The following KDM4A variants were observed in gnomAD, a reference collection of about 807,000 sequenced individuals.
KDM4A encodes lysine demethylase 4A.
In KDM4A, 23 loss-of-function variants were observed where a neutral mutation model predicts 127.1. The observed-to-expected ratio is 0.18, with a 90% CI of 0.13 to 0.26. The LOEUF (loss-of-function observed/expected upper bound fraction) is 0.26. Among genes scored for constraint, KDM4A ranks in the 10% least tolerant of loss-of-function variants. KDM4A has a pLI of 1.00. For missense variants in KDM4A, 890 were observed against 1,329.1 expected, an observed-to-expected ratio of 0.67 and a Z score of 5.14; for synonymous variants, 443 against 466.5, an observed-to-expected ratio of 0.95 and a Z score of 0.65.
Position 43,671,836 on chromosome 1 carries a change from A to G in KDM4A, c.1695A>G (p.Gly565=), listed in dbSNP as rs1456361239. The change falls in exon 11 of 22, where the codon GGA becomes GGG. Residue 565 remains glycine (G), a synonymous_variant. Coordinates refer to ENST00000372396, the MANE Select transcript of KDM4A (RefSeq NM_014663.3). The stretch of plus-strand genomic sequence containing the variant: ...GAGAGCCATGCACGAGGAAGAAAGG[A>G]AGCGCCGCTAGAAGTTTCAGTGAGC... ...TVGEPCTRKK[G]SAARSFSERE... is the part of the protein sequence containing the mutation. 6.3e-6 allele frequency: 10 copies of G among 1,587,258 alleles called. No individual in the cohort carries two copies. In the African/African-American group the frequency reaches 1.2e-4, roughly 19 times the overall value.
In KDM4A at chr1:43,704,782, TGTGC is replaced by T. The variant is rs59753518; in HGVS notation, c.*432_*435del. The T allele has an allele frequency of 0.012, 2,352 of 202,926 alleles. 64 individuals are homozygous for T. Among genetic ancestry groups the T allele is most frequent in the African/African-American group, 0.052 (2,192 of 42,318 alleles). The allele number at this position is 202,926 out of a possible 1,614,324, so 12.6% of individuals were successfully genotyped here. A position where few individuals can be genotyped will look rare whatever the true frequency, so the allele number is the denominator to read the frequency against. On this transcript the variant is annotated 3_prime_UTR_variant, in exon 22 of 22. Coordinates refer to ENST00000372396, the MANE Select transcript of KDM4A (RefSeq NM_014663.3). ...TTTTGTATTTATATGTGTGTGTGTG[TGTGC>T]GTGCGTGCGTGCGTGCGTGTATGTT...
At chr1:43,657,142 C>T (rs1333381124) in intron 3 of KDM4A, among the ~76,000 whole-genome samples, 1 of 152,140 alleles carries the variant, frequency 6.6e-6, no homozygotes, top group Non-Finnish European at 1.5e-5. Flanking sequence ...CCTGCCTCAG[C>T]CTCCCAAAGT....
In KDM4A at chr1:43,669,201, C is replaced by G. The variant is rs1660564773; in HGVS notation, c.1265C>G (p.Ser422Cys). The change falls in exon 10 of 22, where the codon TCT becomes TGT. Residue 422 changes from serine (S) to cysteine (C), a missense_variant. Around this residue, in one of 7 missense-constraint regions of KDM4A, gnomAD observed 389 missense variants for 485.9 expected, o/e 0.80. Transcript: ENST00000372396. ...CTCTTCCCCAAGGAGGATCTGAGTT[C>G]TGAGCAGTATGAGATGACGGAGTGC... ...SELFPKEDLSSEQYEMTECPA... is the reference protein window; with the variant it reads ...SELFPKEDLSCEQYEMTECPA... 1 of 1,614,218 alleles carries G rather than the reference C, an allele frequency of 6.2e-7. No homozygotes were observed.
Position 43,653,140 on chromosome 1 carries a change from C to G in KDM4A, c.-36C>G, listed in dbSNP as rs1304551513. ...TACTCTTAATGTGTTTCTTCAGATT[C>G]CTGTCTGACTAAAGGGACCTCAAAA... On this transcript the variant is annotated 5_prime_UTR_variant, in exon 2 of 22. Transcript: ENST00000372396. The G allele has an allele frequency of 1.3e-5, 20 of 1,566,512 alleles. No individual in the cohort carries two copies. The Admixed American group carries it at 3.8e-4, about 30-fold the overall frequency.
In KDM4A at chr1:43,691,339, G is replaced by A. The variant is rs898584385; in HGVS notation, c.2243-157G>A. Among the ~76,000 whole-genome samples, 6 of 152,324 alleles carry A rather than the reference G, an allele frequency of 3.9e-5. No homozygotes were observed. In the South Asian group the frequency reaches 1.2e-3, roughly 32 times the overall value. On this transcript the variant is annotated intron_variant, in intron 14 of 21. Coordinates refer to ENST00000372396, the MANE Select transcript of KDM4A (RefSeq NM_014663.3). The stretch of plus-strand genomic sequence containing the variant: ...ACTTTTTGAGACTTTGAGCCATACT[G>A]TATGCCTGAGCCCTGGGGACTCAGA...
At chr1:43,687,948 G>T (rs17401357) in intron 12 of KDM4A, among the ~76,000 whole-genome samples, 1 of 151,742 alleles carries the variant, frequency 6.6e-6, no homozygotes, top group Non-Finnish European at 1.5e-5. Flanking sequence ...GTCATGACCA[G>T]GGATATATAA....
At position 43,693,923 on chromosome 1, in the gene KDM4A, G is replaced by A; in HGVS notation, c.2376-71G>A. 7.9e-7 allele frequency: 1 copy of A among 1,272,142 alleles called. No homozygotes were observed. Among genetic ancestry groups the A allele is most frequent in the Non-Finnish European group, 1.1e-6 (1 of 878,064 alleles). The allele number at this position is 1,272,142 out of a possible 1,614,324, so 78.8% of individuals were successfully genotyped here. On this transcript the variant is annotated intron_variant, in intron 16 of 21. Transcript: ENST00000372396. This position sits in a 1 kb window ranked among gnomAD's most constrained non-coding sequence, Gnocchi z 4.2. ...CCAGGTGAGGGAGGAAGCGCTGTCA[G>A]CAGGCCCAAAAGAGAAGGCCACAGA...
intron 11 of KDM4A, among the ~76,000 whole-genome samples, chr1:43,681,104 T>A (rs1660847493): frequency 6.6e-6 from 1 of 152,176 alleles, no homozygotes; most frequent in African/African-American, 2.4e-5. Context: ...ACGTATTCAC[T>A]CCTTAGTTTC....
At chr1:43,701,907 A>G (rs1360410269) in intron 19 of KDM4A, among the ~76,000 whole-genome samples, 1 of 152,232 alleles carries the variant, frequency 6.6e-6, no homozygotes. Flanking sequence ...AGGACTTAAC[A>G]CATGTACTCA....
Position 43,668,017 on chromosome 1 carries a change from A to G in KDM4A, c.1161A>G (p.Thr387=), listed in dbSNP as rs371582736. Residue 387 remains threonine (T), a splice_region_variant and synonymous_variant, in exon 9 of 22, where the codon ACA becomes ACG. Coordinates refer to ENST00000372396, the MANE Select transcript of KDM4A (RefSeq NM_014663.3). ...VEDGEEGDLK[T]SLAKHRIGTK... is the part of the protein sequence containing the mutation. ...ATGGAGAGGAAGGAGACCTGAAGAC[A>G]AGGTAACCCAGCAGCCCTTTTGTCC... 6.2e-7 allele frequency: 1 copy of G among 1,613,802 alleles called. No homozygotes were observed.
At chr1:43,692,347 C>G in intron 16 of KDM4A, 36 bp downstream of exon 16, 1 of 1,575,088 alleles carries the variant, frequency 6.3e-7, no homozygotes, top group Non-Finnish European at 8.7e-7. Context: ...AATGCACAGG[C>G]TCAGTTCCGA....
At position 43,693,888 on chromosome 1, in the gene KDM4A, C is replaced by T; in HGVS notation, c.2376-106C>T. The T allele has an allele frequency of 1.2e-6, 1 of 812,662 alleles. No homozygotes were observed. Among genetic ancestry groups the T allele is most frequent in the Admixed American group, 2.2e-5 (1 of 46,034 alleles). The allele number at this position is 812,662 out of a possible 1,614,324, so 50.3% of individuals were successfully genotyped here. A position where few individuals can be genotyped will look rare whatever the true frequency, so the allele number is the denominator to read the frequency against. On this transcript the variant is annotated intron_variant, in intron 16 of 21. Transcript: ENST00000372396. The surrounding 1 kb of genome is among the most constrained non-coding windows in gnomAD (Gnocchi z 4.2). ...GTCCCAGGCATGTGCTGGTGGAAGT[C>T]AGTGGTCACCCAGGTGAGGGAGGAA...
chr1:43,694,573 G>T lies in KDM4A; in HGVS notation c.2485-136G>T. 1 of 682,848 alleles carries T rather than the reference G, an allele frequency of 1.5e-6. No homozygotes were observed. Among genetic ancestry groups the T allele is most frequent in the Non-Finnish European group, 2.5e-6 (1 of 402,858 alleles). 42.3% of individuals were successfully genotyped at this position (682,848 alleles called of 1,614,324 possible). On this transcript the variant is annotated intron_variant, in intron 17 of 21. Coordinates refer to ENST00000372396, the MANE Select transcript of KDM4A (RefSeq NM_014663.3). This position sits in a 1 kb window ranked among gnomAD's most constrained non-coding sequence, Gnocchi z 5.2. The stretch of plus-strand genomic sequence containing the variant: ...TAAAGTTGTAACCAGACCTGGATTA[G>T]AGCAGGCTGGTGTGTCCTTGTATTT...
chr1:43,693,494 T>TA lies in KDM4A; in HGVS notation c.2376-497dup, dbSNP rs1317805557. 1.1e-4 allele frequency among the ~76,000 whole-genome samples: 17 copies of TA among 152,156 alleles called. No homozygotes were observed. The highest frequency in any genetic ancestry group is 3.6e-4 in the African/African-American group (15 of 41,420). ...GGGGCTTGGGTCAGACCTTAAAGAT[T>TA]AAAGAGTGAGTCAGCTATGGAAAAA... On this transcript the variant is annotated intron_variant, in intron 16 of 21. Coordinates refer to ENST00000372396, the MANE Select transcript of KDM4A (RefSeq NM_014663.3). The surrounding 1 kb of genome is among the most constrained non-coding windows in gnomAD (Gnocchi z 4.2).
At chr1:43,697,804 C>A in intron 18 of KDM4A, 39 bp from the exon 19 acceptor site, 1 of 1,594,662 alleles carries the variant, frequency 6.3e-7, no homozygotes, top group Non-Finnish European at 8.6e-7. Flanking sequence ...GGCCTGCAAA[C>A]TCCACGTGTG....
At chr1:43,703,862 G>T in intron 20 of KDM4A, 126 bp downstream of exon 20, 1 of 1,393,912 alleles carries the variant, frequency 7.2e-7, no homozygotes, top group Non-Finnish European at 1.0e-6. Flanking sequence ...CAGAGCTAGG[G>T]GTCTGCCCTG....
chr1:43,703,383 G>C, intron 19 of KDM4A: 1 of 414,318 alleles, frequency 2.4e-6, no homozygotes, highest in Non-Finnish European at 4.4e-6. Flanking sequence ...TACTAAGTTT[G>C]TTATAGCTGG....
Position 43,692,272 on chromosome 1 carries a change from C to T in KDM4A, c.2336C>T (p.Ser779Leu), listed in dbSNP as rs750138976. The change falls in exon 16 of 22, where the codon TCA becomes TTA. Residue 779 changes from serine (S) to leucine (L), a missense_variant. Physicochemically the swap from Ser to Leu is moderately radical, Grantham distance 145 (BLOSUM62 -2). Coordinates refer to ENST00000372396, the MANE Select transcript of KDM4A (RefSeq NM_014663.3). The part of the protein sequence containing the change: ...NALEEDCCLC[S>L]LRGGALQRAN... The stretch of plus-strand genomic sequence containing the variant: ...TCTTGGCAGGACTGCTGTTTATGCT[C>T]ATTACGAGGAGGGGCCCTGCAGAGA... 1.3e-5 allele frequency: 21 copies of T among 1,614,018 alleles called. No homozygotes were observed. Among genetic ancestry groups the T allele is most frequent in the Non-Finnish European group, 1.7e-5 (20 of 1,180,018 alleles).
chr1:43,664,506 G>C (rs1326865140), intron 5 of KDM4A, among the ~76,000 whole-genome samples: 1 of 152,156 alleles, frequency 6.6e-6, no homozygotes, highest in Non-Finnish European at 1.5e-5. Flanking sequence ...GATGAGGCCG[G>C]AGGGGACATC....
Sources: allele counts gnomAD v4.1 joint callset (sites outside exome capture counted in the v4.1 genomes callset), GRCh38; gene constraint gnomAD v4.1.1; regional missense constraint gnomAD v4.1.1; non-coding constraint Gnocchi (gnomAD v3.1); transcripts MANE v1.5; gene names NCBI Gene and HGNC (gene_info 2026-07-23, HGNC 2026-07-21).